SLC39A11: variants seen among roughly 807,000 people sequenced by gnomAD.
The protein encoded by SLC39A11 is zinc transporter ZIP11.
SLC39A11 carries 33 observed loss-of-function variants against 36.1 expected under a neutral mutation model. The observed-to-expected ratio is 0.91, with a 90% CI of 0.69 to 1.22. SLC39A11 has a LOEUF of 1.22. Ranked by LOEUF, SLC39A11 falls within the 50% of genes most tolerant of loss-of-function variation. The pLI, the probability that SLC39A11 is intolerant of heterozygous loss-of-function variation, is 0.00. For missense variants in SLC39A11, 432 were observed against 430.3 expected, an observed-to-expected ratio of 1.00 and a Z score of -0.03; for synonymous variants, 166 against 170.3, an observed-to-expected ratio of 0.97 and a Z score of 0.20.
intron 6 of SLC39A11, among the ~76,000 whole-genome samples, chr17:72,788,468 G>A (rs982253125): frequency 2.0e-5 from 3 of 151,682 alleles, no homozygotes; most frequent in Non-Finnish European, 4.4e-5. Context: ...CAAGGAAGTC[G>A]ACCAATGTCA....
chr17:72,751,667 T>C (rs1292117887), intron 6 of SLC39A11, among the ~76,000 whole-genome samples: 1 of 152,174 alleles, frequency 6.6e-6, no homozygotes, highest in African/African-American at 2.4e-5. Flanking sequence ...AATCTTCGCC[T>C]CCTGGATTCA....
chr17:73,053,274 C>T (rs533837395), intron 3 of SLC39A11, among the ~76,000 whole-genome samples: 7 of 150,162 alleles, frequency 4.7e-5, no homozygotes, highest in East Asian at 2.0e-4. Context: ...GAAGAAAAAA[C>T]GATAGAAGAT....
At chr17:72,826,506 T>C (rs1375202957) in intron 6 of SLC39A11, among the ~76,000 whole-genome samples, 1 of 152,230 alleles carries the variant, frequency 6.6e-6, no homozygotes, top group African/African-American at 2.4e-5. Flanking sequence ...ATTGGAACTA[T>C]ACTTTCTTTC....
intron 4 of SLC39A11, among the ~76,000 whole-genome samples, chr17:72,994,510 T>C (rs1456897444): frequency 6.6e-6 from 1 of 152,192 alleles, no homozygotes; most frequent in African/African-American, 2.4e-5. Flanking sequence ...AGGGGGACTT[T>C]TGTTTCTTGG....
intron 5 of SLC39A11, among the ~76,000 whole-genome samples, chr17:72,907,129 G>T (rs2082695212): frequency 6.6e-6 from 1 of 152,230 alleles, no homozygotes; most frequent in South Asian, 2.1e-4. Context: ...TTTTCACACA[G>T]CGAGTCCCTC....
chr17:72,957,593 T>C (rs2086328170), intron 4 of SLC39A11, among the ~76,000 whole-genome samples: 1 of 152,174 alleles, frequency 6.6e-6, no homozygotes, highest in African/African-American at 2.4e-5. Flanking sequence ...CCAAGGCAGA[T>C]GGATCGCCTC....
chr17:72,922,960 CA>C (rs10645750), intron 5 of SLC39A11, among the ~76,000 whole-genome samples: 12,464 of 44,324 alleles, frequency 0.28, 1,987 homozygotes, highest in East Asian at 0.48. Flanking sequence ...GACTCCTTCT[CA>C]AAAAAAAAAA....
chr17:72,779,679 T>A (rs1316425087), intron 6 of SLC39A11, among the ~76,000 whole-genome samples: 1 of 152,178 alleles, frequency 6.6e-6, no homozygotes, highest in Non-Finnish European at 1.5e-5. Flanking sequence ...GCATCTCAAG[T>A]TGAAGGGGAA....
At chr17:73,011,276 G>A (rs1212600782) in intron 4 of SLC39A11, among the ~76,000 whole-genome samples, 4 of 152,238 alleles carry the variant, frequency 2.6e-5, no homozygotes, top group Non-Finnish European at 5.9e-5. Flanking sequence ...GCAAAGGCAG[G>A]GGGGACAGGA....
At chr17:72,725,581 G>A (rs1006579954) in intron 7 of SLC39A11, 11 of 152,178 alleles carry the variant, frequency 7.2e-5, no homozygotes, top group African/African-American at 2.7e-4. Flanking sequence ...TTTGGATAGC[G>A]ACACACAGTC....
At chr17:72,660,563 C>T (rs779622841) in intron 7 of SLC39A11, among the ~76,000 whole-genome samples, 4 of 152,188 alleles carry the variant, frequency 2.6e-5, no homozygotes, top group African/African-American at 7.2e-5. Context: ...CATGCAGACC[C>T]ATCGAACCAT....
chr17:73,052,494 G>T (rs1362527335), intron 3 of SLC39A11, among the ~76,000 whole-genome samples: 2 of 152,144 alleles, frequency 1.3e-5, no homozygotes, highest in Non-Finnish European at 2.9e-5. Context: ...AGTCCAGGAA[G>T]GCCAGTAGCC....
chr17:73,011,953 C>T (rs1486072007), intron 4 of SLC39A11, among the ~76,000 whole-genome samples: 6 of 150,910 alleles, frequency 4.0e-5, no homozygotes, highest in East Asian at 2.0e-4. Flanking sequence ...TGAGCCACTG[C>T]CCCTGGCCCT....
intron 6 of SLC39A11, among the ~76,000 whole-genome samples, chr17:72,809,828 A>C (rs2077377947): frequency 6.6e-6 from 1 of 152,036 alleles, no homozygotes; most frequent in South Asian, 2.1e-4. Context: ...CCAGCACTTT[A>C]GGAGGCTGAG....
At chr17:73,013,940 C>T (rs909263253) in intron 4 of SLC39A11, among the ~76,000 whole-genome samples, 1 of 152,158 alleles carries the variant, frequency 6.6e-6, no homozygotes, top group Admixed American at 6.5e-5. Flanking sequence ...TGATGGAGGG[C>T]AGTCACACCC....
intron 6 of SLC39A11, among the ~76,000 whole-genome samples, chr17:72,786,450 T>C (rs1317437080): frequency 6.6e-6 from 1 of 152,216 alleles, no homozygotes; most frequent in African/African-American, 2.4e-5. Flanking sequence ...TCTTATTTTA[T>C]ACACCCCATC....
intron 5 of SLC39A11, among the ~76,000 whole-genome samples, chr17:72,904,309 AG>A (rs2082540769): frequency 6.6e-6 from 1 of 152,206 alleles, no homozygotes; most frequent in African/African-American, 2.4e-5. Context: ...CAGAGTTGGA[AG>A]CCTGGGGACG....
At chr17:72,802,489 C>A (rs573841863) in intron 6 of SLC39A11, among the ~76,000 whole-genome samples, 1 of 151,028 alleles carries the variant, frequency 6.6e-6, no homozygotes, top group African/African-American at 2.4e-5. Context: ...ACTTGGGAGG[C>A]TGAGGCAGGA....
intron 7 of SLC39A11, among the ~76,000 whole-genome samples, chr17:72,710,953 T>C (rs764854607): frequency 3.3e-5 from 5 of 152,226 alleles, no homozygotes; most frequent in Admixed American, 6.5e-5. Flanking sequence ...GCTTCTAGAA[T>C]ACAATTCCAA....
Sources: allele counts gnomAD v4.1 joint callset (sites outside exome capture counted in the v4.1 genomes callset), GRCh38; gene constraint gnomAD v4.1.1; transcripts MANE v1.5; gene names NCBI Gene and HGNC (gene_info 2026-07-23, HGNC 2026-07-21).